The following SNTG1 variants were observed in gnomAD, a reference collection of about 807,000 sequenced individuals.
SNTG1 encodes gamma-1-syntrophin.
In SNTG1, 39 loss-of-function variants were observed where a neutral mutation model predicts 74.7. That is an observed-to-expected ratio of 0.52 (90% CI 0.40 to 0.68). The LOEUF (loss-of-function observed/expected upper bound fraction) is 0.68. Among genes scored for constraint, SNTG1 ranks in the 30% least tolerant of loss-of-function variants. SNTG1 has a pLI of 0.00. For synonymous variants in SNTG1, 254 were observed against 217.1 expected, an observed-to-expected ratio of 1.17 and a Z score of -1.49; for missense variants, 685 against 609.5, an observed-to-expected ratio of 1.12 and a Z score of -1.30.
intron 8 of SNTG1, among the ~76,000 whole-genome samples, chr8:50,471,422 T>C (rs900753203): frequency 1.4e-4 from 22 of 152,162 alleles, no homozygotes; most frequent in Non-Finnish European, 3.1e-4. Context: ...AAGATATTAC[T>C]ACAACCTTAT....
At chr8:50,257,153 C>A (rs1281219491) in intron 2 of SNTG1, among the ~76,000 whole-genome samples, 2 of 152,102 alleles carry the variant, frequency 1.3e-5, no homozygotes, top group Non-Finnish European at 1.5e-5. Context: ...GGAGCTCTTT[C>A]TGAGGCAGGC....
At chr8:50,569,195 C>T (rs576664020) in intron 12 of SNTG1, among the ~76,000 whole-genome samples, 2 of 152,262 alleles carry the variant, frequency 1.3e-5, no homozygotes, top group Admixed American at 6.5e-5. Context: ...CTGGATCAGT[C>T]AGTCAGTAGT....
chr8:50,093,362 A>G (rs2079810942), intron 1 of SNTG1, among the ~76,000 whole-genome samples: 2 of 152,148 alleles, frequency 1.3e-5, no homozygotes, highest in African/African-American at 4.8e-5. Flanking sequence ...CATGTTCACA[A>G]TCACATAGAC....
intron 17 of SNTG1, among the ~76,000 whole-genome samples, chr8:50,710,151 T>C (rs1441958694): frequency 6.6e-6 from 1 of 152,122 alleles, no homozygotes; most frequent in Non-Finnish European, 1.5e-5. Flanking sequence ...CTTAAACATA[T>C]AGTTATTTTT....
At chr8:50,638,388 G>A (rs1304885364) in intron 13 of SNTG1, among the ~76,000 whole-genome samples, 1 of 152,062 alleles carries the variant, frequency 6.6e-6, no homozygotes, top group African/African-American at 2.4e-5. Context: ...CCACTATAAT[G>A]TACTAAGCCT....
intron 1 of SNTG1, among the ~76,000 whole-genome samples, chr8:49,958,106 G>A (rs974576859): frequency 6.6e-6 from 1 of 152,122 alleles, no homozygotes; most frequent in African/African-American, 2.4e-5. Context: ...TCAAATAAAT[G>A]TGGAGACCAC....
intron 1 of SNTG1, among the ~76,000 whole-genome samples, chr8:49,949,943 A>C (rs140410868): frequency 6.6e-6 from 1 of 152,204 alleles, no homozygotes; most frequent in African/African-American, 2.4e-5. Flanking sequence ...CCTGGGCAAC[A>C]TGGTGAAACC....
intron 2 of SNTG1, among the ~76,000 whole-genome samples, chr8:50,181,598 T>G (rs1322385197): frequency 6.6e-6 from 1 of 152,164 alleles, no homozygotes; most frequent in African/African-American, 2.4e-5. Context: ...TTTGAGTATT[T>G]AAGGAAGAAA....
chr8:50,213,192 T>C (rs1034530217), intron 2 of SNTG1, among the ~76,000 whole-genome samples: 2 of 152,132 alleles, frequency 1.3e-5, no homozygotes, highest in Non-Finnish European at 2.9e-5. Flanking sequence ...TAGAAGGAAA[T>C]AAATCATCAT....
rs375735317 is a variant in SNTG1 at position 49,969,477 on chromosome 8, A to G, written c.-103+57246A>G. ...AATGGTGCAATCTCGGCTCACTGCA[A>G]CCTCTGCCTCCCATGTTCAAGCAAT... On this transcript the variant is annotated intron_variant, in intron 1 of 18. Coordinates refer to ENST00000642720, the MANE Select transcript of SNTG1 (RefSeq NM_018967.5). Among the ~76,000 whole-genome samples, 42 of 136,948 alleles carry G rather than the reference A, an allele frequency of 3.1e-4. 1 individual carries two copies. The highest frequency in any genetic ancestry group is 1.0e-3 in the African/African-American group (37 of 35,756). The allele number at this position is 136,948 out of a possible 152,430, so 89.8% of individuals were successfully genotyped here.
chr8:50,775,126 A>G (rs1303913661), intron 18 of SNTG1, among the ~76,000 whole-genome samples: 2 of 151,606 alleles, frequency 1.3e-5, no homozygotes, highest in African/African-American at 2.4e-5. Flanking sequence ...TACCTTATGT[A>G]TAATTGCATT....
intron 2 of SNTG1, among the ~76,000 whole-genome samples, chr8:50,305,524 ATGTGTGTGTGTGTG>A (rs5891361): frequency 6.8e-6 from 1 of 146,004 alleles, no homozygotes; most frequent in Non-Finnish European, 1.5e-5. Context: ...GTTTGTGCTT[ATGTGTGTGTGTGTG>A]TGTGTGTGTG....
At chr8:49,942,151 C>T (rs966151367) in intron 1 of SNTG1, among the ~76,000 whole-genome samples, 6 of 152,026 alleles carry the variant, frequency 3.9e-5, no homozygotes, top group African/African-American at 1.4e-4. Context: ...TAAACCTTGC[C>T]CACAAAATCT....
At chr8:50,263,021 T>C (rs1450099784) in intron 2 of SNTG1, among the ~76,000 whole-genome samples, 1 of 152,142 alleles carries the variant, frequency 6.6e-6, no homozygotes, top group African/African-American at 2.4e-5. Flanking sequence ...CGTTTAGCAG[T>C]CTATTTTATA....
chr8:50,021,079 G>T (rs1432844407), intron 1 of SNTG1, among the ~76,000 whole-genome samples: 2 of 152,102 alleles, frequency 1.3e-5, no homozygotes, highest in East Asian at 3.9e-4. Context: ...TTGAACCACA[G>T]TTCCAGGTAT....
chr8:50,111,066 G>T (rs1454473230), intron 1 of SNTG1, among the ~76,000 whole-genome samples: 1 of 152,054 alleles, frequency 6.6e-6, no homozygotes, highest in African/African-American at 2.4e-5. Context: ...TTCTGAGGAG[G>T]AATTCATTAT....
chr8:50,782,571 C>T (rs543717337), intron 18 of SNTG1, among the ~76,000 whole-genome samples: 1 of 152,286 alleles, frequency 6.6e-6, no homozygotes, highest in Admixed American at 6.5e-5. Context: ...CCTTTAAGCA[C>T]TTCTCTGTAT....
At chr8:50,178,694 T>G (rs941653893) in intron 2 of SNTG1, among the ~76,000 whole-genome samples, 3 of 152,148 alleles carry the variant, frequency 2.0e-5, no homozygotes. Context: ...AGCCTTCTTA[T>G]GCATGTTCTG....
chr8:50,223,898 G>T (rs2085194062), intron 2 of SNTG1, among the ~76,000 whole-genome samples: 1 of 151,846 alleles, frequency 6.6e-6, no homozygotes, highest in Admixed American at 6.6e-5. Context: ...TATAAGAAAG[G>T]AATAAAATAC....
Sources: gnomAD v4.1 joint callset for allele counts (sites outside exome capture counted in the v4.1 genomes callset) on GRCh38, gnomAD v4.1.1 for gene constraint, MANE v1.5 for transcripts, NCBI Gene and HGNC (gene_info 2026-07-23, HGNC 2026-07-21) for gene names.